COL4A2: variants seen among roughly 807,000 people sequenced by gnomAD.
COL4A2 encodes collagen alpha-2(IV) chain.
COL4A2 carries 99 observed loss-of-function variants against 200.2 expected under a neutral mutation model. The ratio of observed to expected loss-of-function variants is 0.49; its 90% CI spans 0.42 to 0.58. The LOEUF (loss-of-function observed/expected upper bound fraction) is 0.58. COL4A2 is among the 20% of genes least tolerant of loss of function. The pLI, the probability that COL4A2 is intolerant of heterozygous loss-of-function variation, is 0.00. For missense variants in COL4A2, 1,950 were observed against 2,314.1 expected (o/e 0.84, Z 3.23); for synonymous variants, 897 against 900.6 (o/e 1.00, Z 0.07).
At chr13:110,352,933 C>A (rs374766273) in intron 3 of COL4A2, among the ~76,000 whole-genome samples, 1 of 152,174 alleles carries the variant, frequency 6.6e-6, no homozygotes, top group Non-Finnish European at 1.5e-5. Flanking sequence ...ACGTTCCACA[C>A]CTGCAGTAGG....
chr13:110,391,610 C>T (rs1878982950), intron 4 of COL4A2, among the ~76,000 whole-genome samples: 1 of 152,198 alleles, frequency 6.6e-6, no homozygotes. Context: ...TTGGCTCTAC[C>T]GCTTACTAGC....
intron 29 of COL4A2, among the ~76,000 whole-genome samples, chr13:110,476,560 C>A (rs988351651): frequency 2.6e-5 from 4 of 152,172 alleles, no homozygotes; most frequent in Non-Finnish European, 5.9e-5. Context: ...GTCACTGCCC[C>A]CTCCTGTGCA....
chr13:110,510,855 G>A (rs569247710), intron 47 of COL4A2, among the ~76,000 whole-genome samples: 45 of 152,360 alleles, frequency 3.0e-4, no homozygotes, highest in African/African-American at 1.0e-3. Flanking sequence ...AAGTGAAGCC[G>A]GAGGTGCCCT....
intron 32 of COL4A2, 75 bp from the exon 33 acceptor site, chr13:110,484,830 G>A: frequency 6.7e-7 from 1 of 1,484,418 alleles, no homozygotes; most frequent in South Asian, 1.4e-5. Context: ...TATGGCTCAG[G>A]GACCAGGCCT....
At chr13:110,473,274 T>C in intron 29 of COL4A2, 124 bp downstream of exon 29, 4 of 824,350 alleles carry the variant, frequency 4.9e-6, no homozygotes, top group Non-Finnish European at 7.4e-6. Context: ...TAGCCATGCG[T>C]ACCTTCTCCC....
In COL4A2 at chr13:110,473,133, G is replaced by GC. The variant is rs1324194272; in HGVS notation, c.2414dup (p.Gly806TrpfsTer57). 1 of 1,557,296 alleles carries GC rather than the reference G, an allele frequency of 6.4e-7. No homozygotes were observed. The highest frequency in any genetic ancestry group is 8.7e-7 in the Non-Finnish European group (1 of 1,150,882). On this transcript the variant is annotated frameshift_variant, in exon 29 of 48. Coordinates refer to ENST00000360467, the MANE Select transcript of COL4A2 (RefSeq NM_001846.4). LOFTEE classifies it high-confidence loss of function. ...CTTAAAGGCCTTCCCGGAGACAGAG[G>GC]CCCCCCTGGATTCAGAGGTGAGTGC...
chr13:110,316,430 G>T (rs558580171), intron 3 of COL4A2, among the ~76,000 whole-genome samples: 1 of 152,122 alleles, frequency 6.6e-6, no homozygotes. Flanking sequence ...AAGGAGCATC[G>T]CAGCGATGCA....
chr13:110,419,241 A>G (rs1025521965), intron 4 of COL4A2, among the ~76,000 whole-genome samples: 6 of 152,222 alleles, frequency 3.9e-5, no homozygotes, highest in African/African-American at 1.2e-4. Context: ...GGGATTTCCT[A>G]CTATTCAGAT....
intron 3 of COL4A2, among the ~76,000 whole-genome samples, chr13:110,329,312 C>T (rs1875796264): frequency 6.6e-6 from 1 of 152,184 alleles, no homozygotes; most frequent in Non-Finnish European, 1.5e-5. Context: ...CCTCCACCAC[C>T]CCACTAACAT....
At chr13:110,493,519 C>T (rs1028473798) in intron 39 of COL4A2, among the ~76,000 whole-genome samples, 1 of 152,186 alleles carries the variant, frequency 6.6e-6, no homozygotes, top group African/African-American at 2.4e-5. Context: ...TGAATGGACT[C>T]ATCAGGCTTT....
At chr13:110,458,709 C>T in intron 21 of COL4A2, 62 bp from the exon 22 acceptor site, 2 of 1,604,048 alleles carry the variant, frequency 1.2e-6, no homozygotes, top group African/African-American at 1.3e-5. Context: ...GCCTGATACC[C>T]CTCTCCCCGC....
At chr13:110,493,055 GAAATAACGATGAGTGACACCCCCATGGGT>G (rs1171448671) in intron 38 of COL4A2, among the ~76,000 whole-genome samples, 127 bp from the exon 39 acceptor site, 7 of 50,120 alleles carry the variant, frequency 1.4e-4, no homozygotes, top group African/African-American at 4.2e-4. Flanking sequence ...CCCCACAGGT[GAAATAACGATGAGTGACACCCCCATGGGT>G]GAAATAACGA....
intron 3 of COL4A2, among the ~76,000 whole-genome samples, chr13:110,310,704 A>G (rs1433912659): frequency 2.6e-5 from 4 of 151,818 alleles, no homozygotes; most frequent in Non-Finnish European, 5.9e-5. Flanking sequence ...TTCAGGAAAA[A>G]GGGCTGCCGC....
At chr13:110,351,419 C>T (rs957705882) in intron 3 of COL4A2, among the ~76,000 whole-genome samples, 1 of 152,176 alleles carries the variant, frequency 6.6e-6, no homozygotes, top group African/African-American at 2.4e-5. Context: ...CTACCCTGCT[C>T]CTCCCTTGCC....
Position 110,315,198 on chromosome 13 carries a change from C to T in COL4A2, c.99+7075C>T, listed in dbSNP as rs556046603. Among the ~76,000 whole-genome samples the T allele has an allele frequency of 3.9e-5, 6 of 152,336 alleles. No homozygotes were observed. In the South Asian group the frequency reaches 1.0e-3, roughly 26 times the overall value. On this transcript the variant is annotated intron_variant, in intron 3 of 47. Coordinates refer to ENST00000360467, the MANE Select transcript of COL4A2 (RefSeq NM_001846.4). Reference sequence around the variant, plus strand: ...GCCTGTCCCTTTCTATCAGGTGACCCGCAGCAGGTATCACACACCTGCACA... The same window carrying T: ...GCCTGTCCCTTTCTATCAGGTGACCTGCAGCAGGTATCACACACCTGCACA...
intron 3 of COL4A2, among the ~76,000 whole-genome samples, chr13:110,313,540 C>CTGGGTTCCAG (rs1566467379): frequency 1.1e-4 from 15 of 135,334 alleles, no homozygotes; most frequent in African/African-American, 3.2e-4. Flanking sequence ...CACCCCGGTG[C>CTGGGTTCCAG]CCCGCGTCCA....
chr13:110,493,092 C>T (rs977687622), intron 38 of COL4A2, 119 bp from the exon 39 acceptor site: 1 of 1,111,558 alleles, frequency 9.0e-7, no homozygotes, highest in Non-Finnish European at 1.4e-6. Context: ...GGTGAAATAA[C>T]GATGAGTGAC....
chr13:110,392,365 C>T (rs1458899141), intron 4 of COL4A2, among the ~76,000 whole-genome samples: 2 of 152,106 alleles, frequency 1.3e-5, no homozygotes, highest in Non-Finnish European at 1.5e-5. Flanking sequence ...TATTTATCTC[C>T]AAGATGCAGG....
intron 18 of COL4A2, among the ~76,000 whole-genome samples, chr13:110,448,548 A>G (rs1393686702): frequency 1.3e-5 from 2 of 152,216 alleles, no homozygotes; most frequent in East Asian, 1.9e-4. Context: ...GAGGCAGTAA[A>G]TGTATCTTTT....
Sources: gnomAD v4.1 joint callset for allele counts (sites outside exome capture counted in the v4.1 genomes callset) on GRCh38, gnomAD v4.1.1 for gene constraint, MANE v1.5 for transcripts, NCBI Gene and HGNC (gene_info 2026-07-23, HGNC 2026-07-21) for gene names.